ELOVL6: variants seen among roughly 807,000 people sequenced by gnomAD.
ELOVL6 encodes the protein ELOVL fatty acid elongase 6, also known as very long chain fatty acid elongase 6.
A neutral mutation model predicts 31.7 loss-of-function variants in ELOVL6; 8 were observed. The observed-to-expected ratio is 0.25, with a 90% CI of 0.15 to 0.45. The LOEUF is 0.45. ELOVL6 is among the 20% of genes least tolerant of loss of function. The pLI is 1.00. For missense variants in ELOVL6, 126 were observed against 326.4 expected (o/e 0.39, Z 4.73); for synonymous variants, 101 against 117.7 (o/e 0.86, Z 0.92).
chr4:110,084,588 ATTTT>A (rs1168880044), intron 2 of ELOVL6, among the ~76,000 whole-genome samples: 24 of 29,626 alleles, frequency 8.1e-4, no homozygotes, highest in African/African-American at 4.8e-3. Context: ...ATATATATAT[ATTTT>A]TTTTTTTTTT....
chr4:110,114,532 G>A (rs568585758), intron 1 of ELOVL6, among the ~76,000 whole-genome samples: 38 of 152,078 alleles, frequency 2.5e-4, no homozygotes, highest in Non-Finnish European at 5.1e-4. Flanking sequence ...GAACTTGGAG[G>A]TCATTAGTTC....
At chr4:110,085,956 C>G (rs1458963040) in intron 2 of ELOVL6, among the ~76,000 whole-genome samples, 1 of 152,108 alleles carries the variant, frequency 6.6e-6, no homozygotes, top group African/African-American at 2.4e-5. Flanking sequence ...AAAGTAATCC[C>G]AAGAGTGCTG....
chr4:110,063,267 G>A (rs1755197479), intron 2 of ELOVL6, among the ~76,000 whole-genome samples: 2 of 152,146 alleles, frequency 1.3e-5, no homozygotes, highest in Non-Finnish European at 1.5e-5. Context: ...GAGTCTCTAG[G>A]AGCCGAGGAT....
At chr4:110,060,312 T>C (rs2126222459) in intron 2 of ELOVL6, among the ~76,000 whole-genome samples, 1 of 152,280 alleles carries the variant, frequency 6.6e-6, no homozygotes, top group East Asian at 1.9e-4. Flanking sequence ...TTCTCAGAGA[T>C]GTCAGAATGA....
chr4:110,069,967 A>C (rs1382893005), intron 2 of ELOVL6, among the ~76,000 whole-genome samples: 30 of 152,196 alleles, frequency 2.0e-4, no homozygotes, highest in Admixed American at 2.0e-3. Context: ...CCTGGGGATG[A>C]CACTGCTTAG....
Position 110,047,783 on chromosome 4 carries a change from G to C in ELOVL6, c.*3555C>G, listed in dbSNP as rs959851573. On this transcript the variant is annotated 3_prime_UTR_variant, in exon 4 of 4. Coordinates refer to ENST00000302274, the MANE Select transcript of ELOVL6 (RefSeq NM_024090.3). ...CGGGCGCCTGTAACCTCAGCTATTT[G>C]GGAGGCTGAGGCAGGAGAATTGCTG... 5 of 151,624 alleles carry C rather than the reference G, an allele frequency of 3.3e-5. No homozygotes were observed. The highest frequency in any genetic ancestry group is 7.3e-5 in the Non-Finnish European group (5 of 68,068). The allele number at this position is 151,624 out of a possible 1,614,324, so 9.4% of individuals were successfully genotyped here.
At chr4:110,198,128 AGC>A (rs1759874306) in intron 1 of ELOVL6, 117 bp downstream of exon 1, 1 of 530,062 alleles carries the variant, frequency 1.9e-6, no homozygotes, top group African/African-American at 2.1e-5. Context: ...CTCAGCGATC[AGC>A]TGGCTGCCCG....
At position 110,198,312 on chromosome 4, in the gene ELOVL6, T is replaced by C; in HGVS notation, c.24A>G (p.Leu8=). The change falls in exon 1 of 4, where the codon TTA becomes TTG. Residue 8 remains leucine (L), a synonymous_variant. Coordinates refer to ENST00000302274, the MANE Select transcript of ELOVL6 (RefSeq NM_024090.3). MNMSVLT[L]QEYEFEKQFN... is the part of the protein sequence containing the mutation. The stretch of plus-strand genomic sequence containing the variant: ...ACTGCTTTTCGAATTCATATTCTTG[T>C]AAAGTCAACACTGACATGTTCATTG... The C allele has an allele frequency of 1.2e-6, 2 of 1,610,344 alleles. No individual in the cohort carries two copies. Among genetic ancestry groups the C allele is most frequent in the South Asian group, 1.1e-5 (1 of 90,990 alleles).
chr4:110,153,809 A>C (rs4326075), intron 1 of ELOVL6, among the ~76,000 whole-genome samples: 12,813 of 152,264 alleles, frequency 0.084, 821 homozygotes, highest in African/African-American at 0.16. Context: ...CTCCAGTGTC[A>C]TTCCTGAAAT....
chr4:110,133,651 T>C (rs1218687017), intron 1 of ELOVL6, among the ~76,000 whole-genome samples: 1 of 152,186 alleles, frequency 6.6e-6, no homozygotes, highest in Non-Finnish European at 1.5e-5. Flanking sequence ...GTCCCAAGTC[T>C]GTTTGGAGAG....
intron 1 of ELOVL6, among the ~76,000 whole-genome samples, chr4:110,124,451 A>C (rs540184550): frequency 8.5e-5 from 13 of 152,302 alleles, no homozygotes; most frequent in African/African-American, 3.1e-4. Context: ...AAACTAACAC[A>C]GGAACAGAAA....
intron 2 of ELOVL6, among the ~76,000 whole-genome samples, chr4:110,103,425 G>C (rs935156909): frequency 6.6e-6 from 1 of 151,480 alleles, no homozygotes; most frequent in African/African-American, 2.4e-5. Flanking sequence ...TGATTCTTAA[G>C]AAAACAAATC....
At chr4:110,180,975 A>G (rs62326653) in intron 1 of ELOVL6, among the ~76,000 whole-genome samples, 9,448 of 152,124 alleles carry the variant, frequency 0.062, 320 homozygotes, top group South Asian at 0.12. Context: ...AGTCTCTACA[A>G]ATAATTTAAG....
intron 1 of ELOVL6, among the ~76,000 whole-genome samples, chr4:110,119,267 A>G (rs1469776202): frequency 6.6e-6 from 1 of 152,102 alleles, no homozygotes; most frequent in African/African-American, 2.4e-5. Context: ...AATGCACTCT[A>G]GCCTGGTGAC....
intron 2 of ELOVL6, among the ~76,000 whole-genome samples, chr4:110,087,675 TG>T (rs1376404992): frequency 6.6e-6 from 1 of 152,202 alleles, no homozygotes. Flanking sequence ...GTAGAGACAC[TG>T]GCCCTTACCT....
At chr4:110,087,920 T>C (rs1327358849) in intron 2 of ELOVL6, among the ~76,000 whole-genome samples, 1 of 152,196 alleles carries the variant, frequency 6.6e-6, no homozygotes, top group Non-Finnish European at 1.5e-5. Flanking sequence ...TCCTTAACAA[T>C]TAGAGTCAAT....
At chr4:110,053,166 C>T (rs1332340275) in intron 3 of ELOVL6, among the ~76,000 whole-genome samples, 5 of 152,186 alleles carry the variant, frequency 3.3e-5, no homozygotes, top group Non-Finnish European at 2.9e-5. Flanking sequence ...CCACCAGCCT[C>T]GGCCTCCTAA....
chr4:110,104,368 A>C (rs1326993945), intron 2 of ELOVL6, among the ~76,000 whole-genome samples: 1 of 152,196 alleles, frequency 6.6e-6, no homozygotes, highest in Non-Finnish European at 1.5e-5. Flanking sequence ...GAGTACTTCA[A>C]ACCTAGGGCT....
chr4:110,153,949 T>G (rs1314750348), intron 1 of ELOVL6, among the ~76,000 whole-genome samples: 2 of 152,162 alleles, frequency 1.3e-5, no homozygotes, highest in Non-Finnish European at 1.5e-5. Context: ...AAACAGGAAG[T>G]TTTTTTCTCC....
Sources: allele counts gnomAD v4.1 joint callset (sites outside exome capture counted in the v4.1 genomes callset), GRCh38; gene constraint gnomAD v4.1.1; transcripts MANE v1.5; gene names NCBI Gene and HGNC (gene_info 2026-07-23, HGNC 2026-07-21).